NRXN3: variants seen among roughly 807,000 people sequenced by gnomAD.
NRXN3 encodes the protein neurexin III.
Under a neutral mutation model 137.6 loss-of-function variants are expected in NRXN3, and 32 were observed. The ratio of observed to expected loss-of-function variants is 0.23; its 90% CI spans 0.18 to 0.31. NRXN3 has a LOEUF of 0.31. Ranked by LOEUF, NRXN3 falls within the 10% of genes least tolerant of loss-of-function variation. NRXN3 has a pLI of 1.00. For synonymous variants in NRXN3, 798 were observed against 784.5 expected, an observed-to-expected ratio of 1.02 and a Z score of -0.29; for missense variants, 1,574 against 2,062.5, an observed-to-expected ratio of 0.76 and a Z score of 4.59.
chr14:79,689,536 G>A (rs1238180572), intron 17 of NRXN3, among the ~76,000 whole-genome samples: 1 of 152,038 alleles, frequency 6.6e-6, no homozygotes, highest in Non-Finnish European at 1.5e-5. Flanking sequence ...TTAACAGCAT[G>A]CAAGATTGCT....
intron 4 of NRXN3, among the ~76,000 whole-genome samples, chr14:78,336,009 G>A (rs1320962316): frequency 6.6e-6 from 1 of 152,180 alleles, no homozygotes; most frequent in African/African-American, 2.4e-5. Context: ...GTGCTTTGGA[G>A]CTGTGGTCTT....
chr14:79,459,031 C>T (rs2096292021), intron 15 of NRXN3, among the ~76,000 whole-genome samples: 1 of 150,490 alleles, frequency 6.6e-6, no homozygotes, highest in Non-Finnish European at 1.5e-5. Context: ...GTCCTTCTTT[C>T]CATCATCATC....
At chr14:79,112,933 C>T (rs2053798449) in intron 15 of NRXN3, among the ~76,000 whole-genome samples, 1 of 152,160 alleles carries the variant, frequency 6.6e-6, no homozygotes, top group Non-Finnish European at 1.5e-5. Context: ...ACGCAGTTTT[C>T]CTACCTGGAG....
chr14:79,632,105 T>C (rs1173026618), intron 16 of NRXN3, among the ~76,000 whole-genome samples: 2 of 152,146 alleles, frequency 1.3e-5, no homozygotes, highest in African/African-American at 4.8e-5. Context: ...TGCTACTCAC[T>C]CTTAGGGTCT....
chr14:79,262,450 G>A (rs2077760494), intron 15 of NRXN3, among the ~76,000 whole-genome samples: 2 of 150,710 alleles, frequency 1.3e-5, no homozygotes, highest in African/African-American at 4.9e-5. Flanking sequence ...GGAGAAAGAG[G>A]AGGAGGAAGG....
At chr14:78,646,745 A>G (rs2152588690) in intron 5 of NRXN3, among the ~76,000 whole-genome samples, 1 of 152,292 alleles carries the variant, frequency 6.6e-6, no homozygotes, top group South Asian at 2.1e-4. Context: ...CATGAATCTG[A>G]TATTTTTGAA....
intron 8 of NRXN3, among the ~76,000 whole-genome samples, chr14:78,737,117 A>G (rs59661206): frequency 0.013 from 1,925 of 152,238 alleles, 50 homozygotes; most frequent in African/African-American, 0.044. Flanking sequence ...TGAGAATGTA[A>G]AGAGGAATGT....
At chr14:79,220,247 A>G (rs146866716) in intron 15 of NRXN3, among the ~76,000 whole-genome samples, 62 of 152,308 alleles carry the variant, frequency 4.1e-4, no homozygotes, top group African/African-American at 1.4e-3. Flanking sequence ...TCCTAGGCAG[A>G]TAATATTTTG....
chr14:79,367,250 T>C (rs1418171325), intron 15 of NRXN3, among the ~76,000 whole-genome samples: 1 of 152,230 alleles, frequency 6.6e-6, no homozygotes. Flanking sequence ...CCAAAAGTGC[T>C]GGGATTACAG....
chr14:79,151,467 G>A (rs1034802126), intron 15 of NRXN3, among the ~76,000 whole-genome samples: 1 of 151,994 alleles, frequency 6.6e-6, no homozygotes, highest in Admixed American at 6.6e-5. Flanking sequence ...TCAGAACAGG[G>A]GCAGGAGGTT....
At chr14:78,497,162 C>G (rs775534102) in intron 4 of NRXN3, among the ~76,000 whole-genome samples, 3 of 152,066 alleles carry the variant, frequency 2.0e-5, no homozygotes, top group Non-Finnish European at 4.4e-5. Context: ...CCTGATTGCA[C>G]ATTTTCATGG....
rs34493154 is a variant in NRXN3, at chr14:79,790,615, C to CTTTT, written c.4015-14477_4015-14474dup. 1.8e-3 allele frequency among the ~76,000 whole-genome samples: 131 copies of CTTTT among 73,128 alleles called. 3 individuals are homozygous for CTTTT. Among genetic ancestry groups the CTTTT allele is most frequent in the Non-Finnish European group, 2.4e-3 (98 of 40,036 alleles). The allele number at this position is 73,128 out of a possible 152,430, so 48.0% of individuals were successfully genotyped here. ...TGGGCCACTGTGTCTGGCCCAGGCT[C>CTTTT]TTTTTTTTTTTTTTTTTTTTTTTGA... is the stretch of plus-strand genomic sequence containing the variant. On this transcript the variant is annotated intron_variant, in intron 19 of 20. Transcript: ENST00000335750.
intron 8 of NRXN3, among the ~76,000 whole-genome samples, chr14:78,770,068 T>TA (rs1024683872): frequency 3.3e-5 from 5 of 152,198 alleles, no homozygotes; most frequent in African/African-American, 7.2e-5. Flanking sequence ...GATCTGTATT[T>TA]ATACAGATTT....
intron 15 of NRXN3, among the ~76,000 whole-genome samples, chr14:79,098,535 C>T (rs2050737893): frequency 6.6e-6 from 1 of 152,188 alleles, no homozygotes; most frequent in Admixed American, 6.5e-5. Context: ...CTCACCCTAC[C>T]ACACTTTTCC....
chr14:78,497,618 C>T (rs1262236934), intron 4 of NRXN3, among the ~76,000 whole-genome samples: 1 of 151,870 alleles, frequency 6.6e-6, no homozygotes, highest in Non-Finnish European at 1.5e-5. Context: ...ATCCATCCAT[C>T]CATCCATCTA....
At chr14:79,796,727 A>G (rs971204022) in intron 19 of NRXN3, among the ~76,000 whole-genome samples, 1 of 152,210 alleles carries the variant, frequency 6.6e-6, no homozygotes, top group African/African-American at 2.4e-5. Flanking sequence ...AAGTCACGTC[A>G]TTCTTTATCC....
intron 15 of NRXN3, among the ~76,000 whole-genome samples, chr14:79,442,137 A>C (rs2095974585): frequency 6.6e-6 from 1 of 152,214 alleles, no homozygotes; most frequent in Non-Finnish European, 1.5e-5. Context: ...ATGACAGAAC[A>C]AGGAGAAGAC....
chr14:78,831,129 C>T (rs530330161), intron 10 of NRXN3, among the ~76,000 whole-genome samples: 1 of 152,218 alleles, frequency 6.6e-6, no homozygotes, highest in African/African-American at 2.4e-5. Context: ...GTATTTTTCA[C>T]TAAACTATTT....
intron 4 of NRXN3, among the ~76,000 whole-genome samples, chr14:78,311,703 G>A (rs867510809): frequency 3.3e-5 from 5 of 151,310 alleles, no homozygotes; most frequent in Non-Finnish European, 7.4e-5. Flanking sequence ...CATAAAACCT[G>A]TTCTTTCTTA....
Sources: allele counts gnomAD v4.1 joint callset (sites outside exome capture counted in the v4.1 genomes callset), GRCh38; gene constraint gnomAD v4.1.1; transcripts MANE v1.5; gene names NCBI Gene and HGNC (gene_info 2026-07-23, HGNC 2026-07-21).